Variants in UNC13C observed in about 807,000 individuals in gnomAD.
UNC13C encodes unc-13 homolog C.
In UNC13C, 174 loss-of-function variants were observed where a neutral mutation model predicts 245.4. The observed-to-expected ratio is 0.71, with a 90% CI of 0.63 to 0.80. The LOEUF (loss-of-function observed/expected upper bound fraction) is 0.80, where lower values mean the gene tolerates loss of function less well. Ranked by LOEUF, UNC13C falls within the 30% of genes least tolerant of loss-of-function variation. The pLI, the probability that UNC13C is intolerant of heterozygous loss-of-function variation, is 0.00. For missense variants in UNC13C, 2,829 were observed against 2,602.9 expected, an observed-to-expected ratio of 1.09 and a Z score of -1.89; for synonymous variants, 992 against 895.1, an observed-to-expected ratio of 1.11 and a Z score of -1.93.
intron 18 of UNC13C, among the ~76,000 whole-genome samples, chr15:54,400,389 G>A (rs530227743): frequency 3.5e-4 from 53 of 151,942 alleles, no homozygotes; most frequent in Non-Finnish European, 6.2e-4. Context: ...TATTTATACC[G>A]TTGACTTCTG....
At chr15:53,932,308 AAATC>A in the UNC13C span, among the ~76,000 whole-genome samples, 1 of 51,034 alleles carries the variant, frequency 2.0e-5, no homozygotes, top group Non-Finnish European at 4.4e-5. Flanking sequence ...TCCATCTCAA[AAATC>A]AAAACAACAA....
chr15:54,234,052 A>G (rs1412638400), intron 4 of UNC13C, among the ~76,000 whole-genome samples: 2 of 152,184 alleles, frequency 1.3e-5, no homozygotes, highest in African/African-American at 4.8e-5. Flanking sequence ...AATTATTTTA[A>G]TTGCAAAATA....
chr15:53,889,753 T>G, the UNC13C span, among the ~76,000 whole-genome samples: 1 of 152,200 alleles, frequency 6.6e-6, no homozygotes. Context: ...ATTGAGAGTT[T>G]TTAGCATGAA....
At chr15:54,521,328 G>C (rs569826246) in intron 24 of UNC13C, among the ~76,000 whole-genome samples, 1 of 152,226 alleles carries the variant, frequency 6.6e-6, no homozygotes, top group Non-Finnish European at 1.5e-5. Context: ...AGGAAAGATA[G>C]CTTTGTAGCT....
intron 30 of UNC13C, among the ~76,000 whole-genome samples, chr15:54,613,551 A>G (rs1900240278): frequency 6.6e-6 from 1 of 151,974 alleles, no homozygotes; most frequent in Non-Finnish European, 1.5e-5. Context: ...ATAAATATTT[A>G]TGGATCCATA....
chr15:54,318,845 A>G lies in UNC13C; in HGVS notation c.4269-3094A>G, dbSNP rs77823377. Among the ~76,000 whole-genome samples, 535 of 152,000 alleles carry G rather than the reference A, an allele frequency of 3.5e-3. 18 individuals carry two copies. The East Asian group carries it at 0.068, about 19-fold the overall frequency. On this transcript the variant is annotated intron_variant, in intron 13 of 32. Coordinates refer to ENST00000260323, the MANE Select transcript of UNC13C (RefSeq NM_001080534.3). ...AAATAATTATGTCATTTTTTACATA[A>G]ATCTTTTAGTTTCACTTATAAAAAT...
chr15:53,838,334 T>G, the UNC13C span, among the ~76,000 whole-genome samples: 4 of 152,214 alleles, frequency 2.6e-5, no homozygotes, highest in Non-Finnish European at 4.4e-5. Context: ...TTTAGAAGGC[T>G]TACTTGAACC....
intron 1 of UNC13C, among the ~76,000 whole-genome samples, chr15:53,982,801 T>C (rs1893977552): frequency 6.6e-6 from 1 of 152,154 alleles, no homozygotes; most frequent in Non-Finnish European, 1.5e-5. Flanking sequence ...TGGTTAGATG[T>C]TCATGAAGAT....
the UNC13C span, among the ~76,000 whole-genome samples, chr15:53,852,423 C>T: frequency 6.6e-6 from 1 of 152,170 alleles, no homozygotes; most frequent in South Asian, 2.1e-4. Context: ...TTACTCCTTT[C>T]CTAGAAGTTT....
chr15:53,944,210 G>T, the UNC13C span, among the ~76,000 whole-genome samples: 16 of 152,044 alleles, frequency 1.1e-4, no homozygotes, highest in Admixed American at 7.9e-4. Flanking sequence ...AAAAAGAAAA[G>T]AAATTATTTT....
At chr15:53,907,893 G>A in the UNC13C span, among the ~76,000 whole-genome samples, 5 of 146,098 alleles carry the variant, frequency 3.4e-5, 2 homozygotes, top group Non-Finnish European at 7.7e-5. Context: ...GAGCCATTTT[G>A]GAGATTACAT....
intron 17 of UNC13C, among the ~76,000 whole-genome samples, chr15:54,365,811 G>A (rs944976662): frequency 5.3e-5 from 8 of 151,238 alleles, no homozygotes; most frequent in East Asian, 1.9e-4. Context: ...TGTGAACATC[G>A]TATATTCTTT....
chr15:54,349,149 TA>T (rs2038925166), intron 17 of UNC13C, among the ~76,000 whole-genome samples: 1 of 149,152 alleles, frequency 6.7e-6, no homozygotes, highest in African/African-American at 2.4e-5. Context: ...TGATATTATA[TA>T]AAATGTATAG....
At chr15:53,974,138 A>T (rs891128403), upstream of UNC13C, among the ~76,000 whole-genome samples, 1 of 152,216 alleles carries the variant, frequency 6.6e-6, no homozygotes, top group South Asian at 2.1e-4. Context: ...GATAAGTATC[A>T]AATAAGAAAA....
intron 24 of UNC13C, among the ~76,000 whole-genome samples, chr15:54,525,152 A>T (rs1895390241): frequency 6.6e-6 from 1 of 152,192 alleles, no homozygotes; most frequent in African/African-American, 2.4e-5. Context: ...CTATTTATTT[A>T]CAGGGATATT....
chr15:54,417,656 G>A (rs1169888022), intron 19 of UNC13C, among the ~76,000 whole-genome samples: 1 of 152,034 alleles, frequency 6.6e-6, no homozygotes, highest in Non-Finnish European at 1.5e-5. Flanking sequence ...TAGTAGAATA[G>A]ATGGTCTTAC....
At chr15:54,278,875 CTT>C (rs2036903775) in intron 10 of UNC13C, among the ~76,000 whole-genome samples, 1 of 152,156 alleles carries the variant, frequency 6.6e-6, no homozygotes, top group South Asian at 2.1e-4. Flanking sequence ...AGTCTTACCT[CTT>C]TATCACCTAG....
intron 4 of UNC13C, among the ~76,000 whole-genome samples, chr15:54,199,492 C>T (rs1282814723): frequency 6.6e-6 from 1 of 152,092 alleles, no homozygotes; most frequent in Non-Finnish European, 1.5e-5. Flanking sequence ...CAGCAGATTT[C>T]TCAGCAGAGA....
At chr15:53,932,485 C>T in the UNC13C span, among the ~76,000 whole-genome samples, 6 of 152,142 alleles carry the variant, frequency 3.9e-5, no homozygotes, top group East Asian at 7.7e-4. Flanking sequence ...TGCAGGTACT[C>T]GGTAAATACC....
Sources: allele counts gnomAD v4.1 joint callset (sites outside exome capture counted in the v4.1 genomes callset), GRCh38; gene constraint gnomAD v4.1.1; transcripts MANE v1.5; gene names NCBI Gene and HGNC (gene_info 2026-07-23, HGNC 2026-07-21).